NOMO1: variants seen among roughly 807,000 people sequenced by gnomAD.
NOMO1 encodes nodal modulator 3.
A neutral mutation model predicts 133.8 loss-of-function variants in NOMO1; 40 were observed. The observed-to-expected ratio is 0.30, with a 90% confidence interval of 0.23 to 0.39. The LOEUF is 0.39. Ranked by LOEUF, NOMO1 falls within the 10% of genes least tolerant of loss-of-function variation. The pLI is 1.00. For missense variants in NOMO1, 462 were observed against 1,419.9 expected (o/e 0.33, Z 10.84); for synonymous variants, 236 against 570.5 (o/e 0.41, Z 8.36).
In NOMO1 at chr16:14,833,932, G is replaced by T. The variant is rs1156450012; in HGVS notation, c.81G>T (p.Gly27=). Residue 27 remains glycine (G), a synonymous_variant, in exon 1 of 31, where the codon GGG becomes GGT. Transcript: ENST00000287667. ...AAVVLLLSGV[G]PAHGSEDIVV... ...TGGTGCTGCTGCTGAGCGGCGTGGG[G>T]CCGGCGCACGGCTCGGAGGACATCG... 2 of 552,052 alleles carry T rather than the reference G, an allele frequency of 3.6e-6. No homozygotes were observed. Among genetic ancestry groups the T allele is most frequent in the Non-Finnish European group, 5.4e-6 (2 of 370,074 alleles). 34.2% of individuals were successfully genotyped at this position (552,052 alleles called of 1,614,324 possible). A position where few individuals can be genotyped will look rare whatever the true frequency, so the allele number is the denominator to read the frequency against.
chr16:14,876,327 C>T, intron 20 of NOMO1, 32 bp from the exon 21 acceptor site: 2 of 1,610,348 alleles, frequency 1.2e-6, no homozygotes, highest in Non-Finnish European at 1.7e-6. Flanking sequence ...GCTACCAAGC[C>T]CCATCCTTGT....
chr16:14,873,799 G>A (rs115099230), intron 18 of NOMO1, among the ~76,000 whole-genome samples: 1,421 of 141,582 alleles, frequency 0.01, 16 homozygotes, highest in African/African-American at 0.027. Context: ...TCCCCCTGGG[G>A]ATCTTGTACT....
chr16:14,866,012 G>A (rs1298435123), intron 14 of NOMO1, among the ~76,000 whole-genome samples: 3 of 140,932 alleles, frequency 2.1e-5, no homozygotes, highest in South Asian at 2.2e-4. Context: ...GATCTTACAG[G>A]CCCCATTAGA....
At chr16:14,867,432 C>A (rs1463777236) in intron 15 of NOMO1, among the ~76,000 whole-genome samples, 1 of 56,098 alleles carries the variant, frequency 1.8e-5, no homozygotes, top group Non-Finnish European at 4.9e-5. Flanking sequence ...AAACTCCTGA[C>A]CTCAGGGGAT....
At chr16:14,878,265 A>G (rs1964188492) in intron 22 of NOMO1, among the ~76,000 whole-genome samples, 1 of 131,882 alleles carries the variant, frequency 7.6e-6, no homozygotes, top group Non-Finnish European at 1.6e-5. Context: ...AGGCCCAGGC[A>G]TGTGGATTGC....
At chr16:14,866,825 G>A in intron 15 of NOMO1, 134 bp downstream of exon 15, 1 of 1,581,858 alleles carries the variant, frequency 6.3e-7, no homozygotes. Flanking sequence ...TCGCCCACCT[G>A]TTACGCAACG....
At position 14,856,038 on chromosome 16, in the gene NOMO1, T is replaced by C. The variant is rs556431528; in HGVS notation, c.964-1179T>C. 5.9e-5 allele frequency among the ~76,000 whole-genome samples: 9 copies of C among 152,150 alleles called. No homozygotes were observed. In the South Asian group the frequency reaches 1.9e-3, roughly 32 times the overall value. ...GCATAAAAAGGAAGTCATTTAATTA[T>C]TTAAAGCTTCATCTCAAATGCTGTT... On this transcript the variant is annotated intron_variant, in intron 9 of 30. Transcript: ENST00000287667.
chr16:14,880,674 G>A (rs866467209), intron 24 of NOMO1, among the ~76,000 whole-genome samples: 1 of 152,158 alleles, frequency 6.6e-6, no homozygotes, highest in Middle Eastern at 3.4e-3. Flanking sequence ...GAGCCACCGC[G>A]CCTGGCCACT....
At chr16:14,855,464 T>G (rs1466442430) in intron 9 of NOMO1, among the ~76,000 whole-genome samples, 1 of 151,802 alleles carries the variant, frequency 6.6e-6, no homozygotes, top group African/African-American at 2.4e-5. Context: ...TTTTAATCAC[T>G]TTCTTTTAAT....
At chr16:14,867,792 TAG>T (rs1438722223) in intron 15 of NOMO1, among the ~76,000 whole-genome samples, 1 of 149,236 alleles carries the variant, frequency 6.7e-6, no homozygotes, top group Non-Finnish European at 1.5e-5. Flanking sequence ...CGATTTGTTA[TAG>T]GAGATCGATT....
Position 14,879,995 on chromosome 16 carries a change from C to T in NOMO1, c.2758-20C>T, listed in dbSNP as rs773688168. On this transcript the variant is annotated intron_variant, in intron 23 of 30. Coordinates refer to ENST00000287667, the MANE Select transcript of NOMO1 (RefSeq NM_014287.4). ...ATGCCTAGATGTGGCTGCTGAGGCT[C>T]AGTGTGATTATCTTGGTAGAGCCCT... The T allele has an allele frequency of 6.8e-6, 11 of 1,611,486 alleles. No homozygotes were observed. Among genetic ancestry groups the T allele is most frequent in the Non-Finnish European group, 7.6e-6 (9 of 1,179,814 alleles).
chr16:14,856,082 A>AT (rs1963829687), intron 9 of NOMO1, among the ~76,000 whole-genome samples: 1 of 152,088 alleles, frequency 6.6e-6, no homozygotes, highest in Admixed American at 6.5e-5. Flanking sequence ...GCGTGCACAC[A>AT]TTCATTCATT....
In NOMO1 at chr16:14,866,728, C is replaced by T. The variant is rs376653019; in HGVS notation, c.1806+37C>T. 6.9e-5 allele frequency: 111 copies of T among 1,609,632 alleles called. 2 individuals are homozygous for T. The highest frequency in any genetic ancestry group is 3.3e-4 in the African/African-American group (24 of 73,448). The stretch of plus-strand genomic sequence containing the variant: ...TTATTGAGTCTCTTATTTGGAAAAG[C>T]GCTCGCCTTGTGGATGTCAAGAAAG... On this transcript the variant is annotated intron_variant, in intron 15 of 30. Transcript: ENST00000287667.
intron 13 of NOMO1, 26 bp from the exon 14 acceptor site, chr16:14,864,998 G>A: frequency 1.2e-6 from 2 of 1,609,058 alleles, no homozygotes; most frequent in Non-Finnish European, 1.7e-6. Flanking sequence ...GGGGTCACAT[G>A]GAGCCCTCCC....
At chr16:14,884,977 G>A (rs1964301151) in intron 27 of NOMO1, among the ~76,000 whole-genome samples, 1 of 152,008 alleles carries the variant, frequency 6.6e-6, no homozygotes, top group African/African-American at 2.4e-5. Flanking sequence ...TGCTTCTGGG[G>A]AGGCCTCAGG....
chr16:14,869,728 G>A (rs896540781), intron 16 of NOMO1, among the ~76,000 whole-genome samples: 6 of 151,784 alleles, frequency 4.0e-5, no homozygotes, highest in Middle Eastern at 3.4e-3. Flanking sequence ...CTTTGTGTCC[G>A]TATGTTTTCA....
chr16:14,858,787 A>G (rs918356644), intron 11 of NOMO1, among the ~76,000 whole-genome samples: 25 of 152,078 alleles, frequency 1.6e-4, no homozygotes, highest in African/African-American at 4.1e-4. Flanking sequence ...TCTGAAAACA[A>G]TGGCATGGAG....
chr16:14,850,392 T>G, intron 6 of NOMO1, among the ~76,000 whole-genome samples: 1 of 151,836 alleles, frequency 6.6e-6, no homozygotes. Context: ...TCTTGAATTG[T>G]ATTTTTTTAA....
intron 11 of NOMO1, among the ~76,000 whole-genome samples, chr16:14,860,098 G>A (rs1205498610): frequency 8.6e-5 from 13 of 151,778 alleles, no homozygotes; most frequent in Non-Finnish European, 1.8e-4. Context: ...GGCCGGGCAC[G>A]GTGGCTCACG....
Sources: gnomAD v4.1 joint callset for allele counts (sites outside exome capture counted in the v4.1 genomes callset) on GRCh38, gnomAD v4.1.1 for gene constraint, MANE v1.5 for transcripts, NCBI Gene and HGNC (gene_info 2026-07-23, HGNC 2026-07-21) for gene names.